Variants in KCNJ10 observed in about 807,000 individuals in gnomAD.
KCNJ10 encodes potassium inwardly rectifying channel subfamily J member 10.
A neutral mutation model predicts 22.2 loss-of-function variants in KCNJ10; 9 were observed. The ratio of observed to expected loss-of-function variants is 0.40; its 90% CI spans 0.24 to 0.71. KCNJ10 has a LOEUF of 0.71. KCNJ10 is among the 30% of genes least tolerant of loss of function. KCNJ10 has a pLI of 0.35. For synonymous variants in KCNJ10, 184 were observed against 187.3 expected (o/e 0.98, Z 0.15); for missense variants, 337 against 482.7 (o/e 0.70, Z 2.83).
chr1:160,060,532 T>A (rs35972082), intron 1 of KCNJ10, among the ~76,000 whole-genome samples: 5,532 of 152,220 alleles, frequency 0.036, 145 homozygotes, highest in East Asian at 0.092. Flanking sequence ...CCATGCAATT[T>A]TGATGGGAGG....
chr1:160,045,355 T>G (rs960106700), intron 1 of KCNJ10, among the ~76,000 whole-genome samples: 1 of 152,188 alleles, frequency 6.6e-6, no homozygotes, highest in African/African-American at 2.4e-5. Context: ...GACAGAAAGC[T>G]GGGACAGATA....
chr1:160,067,435 C>G (rs567314562), intron 1 of KCNJ10, among the ~76,000 whole-genome samples: 14 of 152,354 alleles, frequency 9.2e-5, no homozygotes, highest in African/African-American at 3.4e-4. Context: ...GCCCAGCCAA[C>G]CACCCACCAT....
chr1:160,063,407 G>GCAGA (rs1286805228), intron 1 of KCNJ10: 5 of 152,344 alleles, frequency 3.3e-5, no homozygotes, highest in African/African-American at 4.8e-5. Flanking sequence ...GGGACACTTT[G>GCAGA]CAGAACTGCT....
At chr1:160,055,814 A>C (rs924542932) in intron 1 of KCNJ10, among the ~76,000 whole-genome samples, 1 of 152,110 alleles carries the variant, frequency 6.6e-6, no homozygotes, top group African/African-American at 2.4e-5. Context: ...TCAGGAATCC[A>C]TCCACTCTTG....
intron 1 of KCNJ10, among the ~76,000 whole-genome samples, chr1:160,043,316 A>ACACACAC (rs1557968547): frequency 1.4e-4 from 20 of 142,486 alleles, no homozygotes; most frequent in Non-Finnish European, 1.9e-4. Flanking sequence ...CACACACACA[A>ACACACAC]CCTTAATTTC....
rs1553235645 is a variant in KCNJ10, at chr1:160,049,673, A to ATTTATT, written c.1-7142_1-7141insAATAAA. Among the ~76,000 whole-genome samples the ATTTATT allele has an allele frequency of 1.4e-3, 97 of 71,534 alleles. 2 individuals are homozygous for ATTTATT. The highest frequency in any genetic ancestry group is 2.1e-3 in the Non-Finnish European group (82 of 38,806). The allele number at this position is 71,534 out of a possible 152,430, so 46.9% of individuals were successfully genotyped here. On this transcript the variant is annotated intron_variant, in intron 1 of 1. Coordinates refer to ENST00000644903, the MANE Select transcript of KCNJ10 (RefSeq NM_002241.5). ...GAAAGAAGGATCCAGCATTTTATTT[A>ATTTATT]TTTATATATATATATATATATATAT...
rs763224969 is a variant in KCNJ10, at chr1:160,041,405, G to T, written c.1128C>A (p.Ile376=). Residue 376 remains isoleucine (I), a synonymous_variant, in exon 2 of 2, where the codon ATC becomes ATA. Transcript: ENST00000644903. The surrounding 1 kb of genome is among the most constrained non-coding windows in gnomAD (Gnocchi z 4.4). ...EKEGSALSVR[I]SNV ...TGGGAACAGGTCATCAGACATTGCT[G>T]ATGCGCACACTAAGGGCACTGCCCT... is the stretch of plus-strand genomic sequence containing the variant. 6.2e-7 allele frequency: 1 copy of T among 1,612,728 alleles called. No homozygotes were observed. The highest frequency in any genetic ancestry group is 8.5e-7 in the Non-Finnish European group (1 of 1,179,822).
rs1021130082 is a variant in KCNJ10 at position 160,038,660 on chromosome 1, C to T, written c.*2733G>A. 4 of 152,122 alleles carry T rather than the reference C, an allele frequency of 2.6e-5. No individual in the cohort carries two copies. Among genetic ancestry groups the T allele is most frequent in the Non-Finnish European group, 5.9e-5 (4 of 68,028 alleles). 9.4% of individuals were successfully genotyped at this position (152,122 alleles called of 1,614,324 possible). On this transcript the variant is annotated 3_prime_UTR_variant, in exon 2 of 2. Coordinates refer to ENST00000644903, the MANE Select transcript of KCNJ10 (RefSeq NM_002241.5). ...CATTCAATATATTTGGGCATATATA[C>T]ATCTATATACATCTTTCTATATATA...
rs1649116755 is a variant in KCNJ10 at position 160,058,980 on chromosome 1, C to G, written c.-1+11042G>C. Among the ~76,000 whole-genome samples, 6 of 152,218 alleles carry G rather than the reference C, an allele frequency of 3.9e-5. No homozygotes were observed. In the South Asian group the frequency reaches 1.2e-3, roughly 32 times the overall value. Reference sequence around the variant, plus strand: ...CCACCCACAACATGGGCTGCTATCCCCCTGTGTTCCCACAGTACCATGAAC... The same window carrying G: ...CCACCCACAACATGGGCTGCTATCCGCCTGTGTTCCCACAGTACCATGAAC... On this transcript the variant is annotated intron_variant, in intron 1 of 1. Transcript: ENST00000644903.
intron 1 of KCNJ10, among the ~76,000 whole-genome samples, chr1:160,047,582 T>TCCTTATC (rs1427204022): frequency 6.6e-6 from 1 of 152,166 alleles, no homozygotes; most frequent in African/African-American, 2.4e-5. Context: ...CCTGATGATC[T>TCCTTATC]CCTTATCTTT....
At chr1:160,059,103 A>G (rs147397666) in intron 1 of KCNJ10, among the ~76,000 whole-genome samples, 1 of 152,316 alleles carries the variant, frequency 6.6e-6, no homozygotes, top group African/African-American at 2.4e-5. Flanking sequence ...CATTGCCCTC[A>G]GATGAACGGG....
chr1:160,062,825 C>T (rs1205382394), intron 1 of KCNJ10, among the ~76,000 whole-genome samples: 1 of 152,166 alleles, frequency 6.6e-6, no homozygotes, highest in Admixed American at 6.5e-5. Flanking sequence ...GCAGGAAGGG[C>T]ATGTGCTCAG....
chr1:160,062,844 G>A (rs1487652202), intron 1 of KCNJ10, among the ~76,000 whole-genome samples: 1 of 152,120 alleles, frequency 6.6e-6, no homozygotes, highest in Non-Finnish European at 1.5e-5. Context: ...AGGGTTTGGG[G>A]TCTTTGGGGT....
At chr1:160,049,675 T>TTTTATTTA (rs1553235648) in intron 1 of KCNJ10, among the ~76,000 whole-genome samples, 1 of 47,096 alleles carries the variant, frequency 2.1e-5, no homozygotes, top group Admixed American at 3.2e-4. Flanking sequence ...TTTTATTTAT[T>TTTTATTTA]TATATATATA....
At chr1:160,045,715 A>G (rs1399649301) in intron 1 of KCNJ10, among the ~76,000 whole-genome samples, 1 of 152,180 alleles carries the variant, frequency 6.6e-6, no homozygotes, top group African/African-American at 2.4e-5. Flanking sequence ...CACTCAGGAT[A>G]TGAGAGGATT....
chr1:160,056,474 TC>T (rs1649038522), intron 1 of KCNJ10, among the ~76,000 whole-genome samples: 2 of 152,108 alleles, frequency 1.3e-5, no homozygotes, highest in Admixed American at 6.5e-5. Context: ...ACCTAGAACA[TC>T]CTCTGCCTGC....
rs1648531920 is a variant in KCNJ10 at position 160,038,619 on chromosome 1, A to G, written c.*2774T>C. ...CTGCCCCCAATGCTAAAGTCTCTGA[A>G]TATTTCCTTTCTGTACATTCAATAT... On this transcript the variant is annotated 3_prime_UTR_variant, in exon 2 of 2. Transcript: ENST00000644903. 1 of 152,210 alleles carries G rather than the reference A, an allele frequency of 6.6e-6. No individual in the cohort carries two copies. Among genetic ancestry groups the G allele is most frequent in the South Asian group, 2.1e-4 (1 of 4,828 alleles). 9.4% of individuals were successfully genotyped at this position (152,210 alleles called of 1,614,324 possible).
chr1:160,042,005 A>G lies in KCNJ10; in HGVS notation c.528T>C (p.Ala176=), dbSNP rs1057520295. The change falls in exon 2 of 2, where the codon GCT becomes GCC. Residue 176 remains alanine (A), a synonymous_variant. Coordinates refer to ENST00000644903, the MANE Select transcript of KCNJ10 (RefSeq NM_002241.5). ...CATGCTGGCTGAAACGAATGGTCTC[A>G]GCCCGCTTCTTGGGCCGGGCAATCT... ...LAKIARPKKR[A]ETIRFSQHAV... The G allele has an allele frequency of 3.8e-6, 6 of 1,573,940 alleles. No individual in the cohort carries two copies. The Admixed American group carries it at 7.0e-5, about 18-fold the overall frequency.
At chr1:160,058,777 T>C (rs561495605) in intron 1 of KCNJ10, among the ~76,000 whole-genome samples, 41 of 152,300 alleles carry the variant, frequency 2.7e-4, no homozygotes, top group Admixed American at 9.2e-4. Context: ...ACTTCACGCA[T>C]GCATCATGTC....
Sources: gnomAD v4.1 joint callset for allele counts (sites outside exome capture counted in the v4.1 genomes callset) on GRCh38, gnomAD v4.1.1 for gene constraint, Gnocchi (gnomAD v3.1) non-coding constraint, MANE v1.5 for transcripts, NCBI Gene and HGNC (gene_info 2026-07-23, HGNC 2026-07-21) for gene names.